The following NTM variants were observed in gnomAD, a reference collection of about 807,000 sequenced individuals.
NTM encodes the protein IgLON family member 2.
NTM carries 13 observed loss-of-function variants against 42.1 expected under a neutral mutation model. That is an observed-to-expected ratio of 0.31 (90% CI 0.20 to 0.49). The LOEUF (loss-of-function observed/expected upper bound fraction) is 0.49, where lower values mean the gene tolerates loss of function less well. Ranked by LOEUF, NTM falls within the 20% of genes least tolerant of loss-of-function variation. NTM has a pLI of 0.99. For missense variants in NTM, 373 were observed against 452.8 expected, an observed-to-expected ratio of 0.82 and a Z score of 1.60; for synonymous variants, 187 against 179.2, an observed-to-expected ratio of 1.04 and a Z score of -0.35.
chr11:131,798,331 T>C lies in NTM; in HGVS notation c.83-113233T>C, dbSNP rs189859691. Among the ~76,000 whole-genome samples the C allele has an allele frequency of 1.0e-3, 157 of 152,266 alleles. 1 individual carries two copies. Among genetic ancestry groups the C allele is most frequent in the African/African-American group, 3.7e-3 (153 of 41,544 alleles). ...ACTGGCACAGTGCTGCAGTTGTTTT[T>C]TCTTCTCCTGCAAGGGAACAACATC... On this transcript the variant is annotated intron_variant, in intron 1 of 8. Coordinates refer to ENST00000683400, the MANE Select transcript of NTM (RefSeq NM_001352005.2).
chr11:131,386,683 A>C (rs1189769304), intron 1 of NTM, among the ~76,000 whole-genome samples: 2 of 152,226 alleles, frequency 1.3e-5, no homozygotes, highest in Non-Finnish European at 2.9e-5. Context: ...ATATACCTGC[A>C]GCCTGGTTTT....
intron 4 of NTM, among the ~76,000 whole-genome samples, chr11:132,234,343 C>A (rs1272440549): frequency 1.3e-5 from 2 of 152,172 alleles, no homozygotes; most frequent in Non-Finnish European, 2.9e-5. Flanking sequence ...ACATTTGCCT[C>A]AATCAGCACC....
chr11:131,725,936 A>T lies in NTM; in HGVS notation c.83-185628A>T, dbSNP rs530289245. On this transcript the variant is annotated intron_variant, in intron 1 of 8. Transcript: ENST00000683400. ...AGTGGGTCTAGGGTAAGGCCTGGGA[A>T]TGTGCGTTACTAACCAGTCTCTGGG... Among the ~76,000 whole-genome samples, 510 of 152,258 alleles carry T rather than the reference A, an allele frequency of 3.3e-3. 2 individuals carry two copies. Among genetic ancestry groups the T allele is most frequent in the Non-Finnish European group, 4.9e-3 (332 of 68,000 alleles).
chr11:131,600,877 C>T (rs1317752588), intron 1 of NTM, among the ~76,000 whole-genome samples: 1 of 151,848 alleles, frequency 6.6e-6, no homozygotes, highest in Non-Finnish European at 1.5e-5. Flanking sequence ...CCAGGAGTTA[C>T]TTTTGAGGTC....
chr11:131,777,081 T>G (rs568393128), intron 1 of NTM: 16 of 955,872 alleles, frequency 1.7e-5, no homozygotes, highest in Non-Finnish European at 1.9e-5. Context: ...GAAAAGGTGT[T>G]GGAAGAAATT....
chr11:132,133,282 C>T (rs2067169272), intron 2 of NTM, among the ~76,000 whole-genome samples: 1 of 152,168 alleles, frequency 6.6e-6, no homozygotes, highest in Non-Finnish European at 1.5e-5. Context: ...TGCACAACAC[C>T]CATAATTTCC....
chr11:131,648,898 A>G (rs1254482300), intron 1 of NTM, among the ~76,000 whole-genome samples: 1 of 152,224 alleles, frequency 6.6e-6, no homozygotes, highest in Non-Finnish European at 1.5e-5. Context: ...TTGGTGGCAC[A>G]TCCAGAAAGA....
chr11:131,814,896 A>G (rs529994703), intron 1 of NTM, among the ~76,000 whole-genome samples: 1 of 152,168 alleles, frequency 6.6e-6, no homozygotes, highest in Non-Finnish European at 1.5e-5. Context: ...AAACTCTGAC[A>G]ACCCAGCTTC....
rs1314387420 is a variant in NTM at position 132,002,798 on chromosome 11, A to G, written c.167+91150A>G. 1.3e-5 allele frequency among the ~76,000 whole-genome samples: 2 copies of G among 152,178 alleles called. No homozygotes were observed. The highest frequency in any genetic ancestry group is 1.9e-4 in the East Asian group (1 of 5,190). On this transcript the variant is annotated intron_variant, in intron 2 of 8. Coordinates refer to ENST00000683400, the MANE Select transcript of NTM (RefSeq NM_001352005.2). This position sits in a 1 kb window ranked among gnomAD's most constrained non-coding sequence, Gnocchi z 4.5. ...CTCATTGGGAAAAGTGGAGGAAATC[A>G]TAGTAACGATTTATTAAAGTTGAAG...
rs1305550802 is a variant in NTM, at chr11:131,713,151, A to G, written c.83-198413A>G. Among the ~76,000 whole-genome samples, 7 of 152,206 alleles carry G rather than the reference A, an allele frequency of 4.6e-5. No individual in the cohort carries two copies. In the East Asian group the frequency reaches 1.3e-3, roughly 29 times the overall value. ...GTAGGAAAAACAAGGATGTCATGCT[A>G]TACACCGGGTGTGTAATGATAAAGA... On this transcript the variant is annotated intron_variant, in intron 1 of 8. Transcript: ENST00000683400.
At chr11:131,584,424 C>T (rs1321175382) in intron 1 of NTM, among the ~76,000 whole-genome samples, 1 of 152,016 alleles carries the variant, frequency 6.6e-6, no homozygotes, top group African/African-American at 2.4e-5. Flanking sequence ...GGGGCGGAGG[C>T]CATGAGAGGG....
intron 3 of NTM, among the ~76,000 whole-genome samples, chr11:132,151,251 A>G (rs1302772206): frequency 6.6e-6 from 1 of 152,204 alleles, no homozygotes; most frequent in Non-Finnish European, 1.5e-5. Context: ...TGGATAAAAC[A>G]TTCAGTGGGA....
At chr11:131,549,711 A>C (rs2054403408) in intron 1 of NTM, among the ~76,000 whole-genome samples, 1 of 152,194 alleles carries the variant, frequency 6.6e-6, no homozygotes, top group South Asian at 2.1e-4. Context: ...TTTCAGTCAG[A>C]GATAGATTCA....
chr11:131,465,326 C>G (rs1196299662), intron 1 of NTM, among the ~76,000 whole-genome samples: 3 of 152,220 alleles, frequency 2.0e-5, no homozygotes, highest in African/African-American at 7.2e-5. Flanking sequence ...TACCATAGCC[C>G]ATTGCTTCTC....
chr11:131,414,383 G>C (rs914664240), intron 1 of NTM, among the ~76,000 whole-genome samples: 1 of 152,154 alleles, frequency 6.6e-6, no homozygotes, highest in African/African-American at 2.4e-5. Flanking sequence ...CTTACACTCT[G>C]CTGGGACCCC....
chr11:131,562,452 T>A (rs1465727803), intron 1 of NTM, among the ~76,000 whole-genome samples: 2 of 152,070 alleles, frequency 1.3e-5, no homozygotes, highest in East Asian at 3.9e-4. Flanking sequence ...CTGATGGTAT[T>A]TGTCAGTTGC....
At chr11:132,263,347 CA>C (rs2092986482) in intron 4 of NTM, among the ~76,000 whole-genome samples, 1 of 152,216 alleles carries the variant, frequency 6.6e-6, no homozygotes, top group Non-Finnish European at 1.5e-5. Flanking sequence ...GAATTGCACA[CA>C]TTCATAGCTG....
chr11:131,917,392 A>G (rs902164426), intron 2 of NTM, among the ~76,000 whole-genome samples: 4 of 152,218 alleles, frequency 2.6e-5, no homozygotes, highest in African/African-American at 9.6e-5. Flanking sequence ...CAGGTTACAA[A>G]TACATAGAAG....
intron 1 of NTM, among the ~76,000 whole-genome samples, chr11:131,800,151 A>G (rs187453617): frequency 6.6e-5 from 10 of 152,358 alleles, no homozygotes; most frequent in Admixed American, 1.3e-4. Context: ...AAGTACACGT[A>G]CTTACAAAGC....
Sources: allele counts gnomAD v4.1 joint callset (sites outside exome capture counted in the v4.1 genomes callset), GRCh38; gene constraint gnomAD v4.1.1; non-coding constraint Gnocchi (gnomAD v3.1); transcripts MANE v1.5; gene names NCBI Gene and HGNC (gene_info 2026-07-23, HGNC 2026-07-21).